Variants in ACOX3 observed in about 807,000 individuals in gnomAD.
ACOX3 encodes the protein acyl-CoA oxidase 3, pristanoyl.
Under a neutral mutation model 81.5 loss-of-function variants are expected in ACOX3, and 73 were observed. The observed-to-expected ratio is 0.90, with a 90% CI of 0.74 to 1.09. The LOEUF (loss-of-function observed/expected upper bound fraction) is 1.09. Among genes scored for constraint, ACOX3 ranks in the 50% least tolerant of loss-of-function variants. ACOX3 has a pLI of 0.00. For synonymous variants in ACOX3, 387 were observed against 375.1 expected (o/e 1.03, Z -0.37); for missense variants, 947 against 928.0 (o/e 1.02, Z -0.27).
rs1296517924 is a variant in ACOX3 at position 8,425,248 on chromosome 4, GCAAGGT to G, written c.-14-8719_-14-8714del. Among the ~76,000 whole-genome samples the G allele has an allele frequency of 3.9e-5, 6 of 152,154 alleles. No individual in the cohort carries two copies. The South Asian group carries it at 1.0e-3, about 26-fold the overall frequency. On this transcript the variant is annotated intron_variant, in intron 1 of 17. Coordinates refer to ENST00000356406, the MANE Select transcript of ACOX3 (RefSeq NM_003501.3). ...AGCAGATACTGAAGCCAAAAGAGCC[GCAAGGT>G]GGGACCCTCCATTAGAAATGCTTAT...
intron 7 of ACOX3, among the ~76,000 whole-genome samples, chr4:8,402,704 C>T (rs7686109): frequency 0.052 from 7,842 of 152,266 alleles, 258 homozygotes; most frequent in African/African-American, 0.091. Flanking sequence ...GTGTCTCCAG[C>T]GGGAGACGTG....
At chr4:8,374,936 T>C (rs570524037) in intron 15 of ACOX3, 42 bp downstream of exon 15, 14 of 1,458,448 alleles carry the variant, frequency 9.6e-6, no homozygotes, top group Admixed American at 2.6e-5. Context: ...ACGGGGGCCC[T>C]GACTCTGGGG....
At position 8,415,953 on chromosome 4, in the gene ACOX3, G is replaced by A; in HGVS notation, c.191C>T (p.Ser64Phe). ...ALENDPLFAR[S>F]PGADLSLEKY... Reference sequence around the variant, plus strand: ...CTCCAAGGACAGATCGGCTCCAGGGGAACGAGCGAAAAGAGGGTCATTCTC... The same window carrying A: ...CTCCAAGGACAGATCGGCTCCAGGGAAACGAGCGAAAAGAGGGTCATTCTC... The change falls in exon 3 of 18, where the codon TCC becomes TTC. Residue 64 changes from serine (S) to phenylalanine (F), a missense_variant. Coordinates refer to ENST00000356406, the MANE Select transcript of ACOX3 (RefSeq NM_003501.3). The A allele has an allele frequency of 1.2e-6, 2 of 1,614,204 alleles. No homozygotes were observed. Among genetic ancestry groups the A allele is most frequent in the African/African-American group, 1.3e-5 (1 of 75,048 alleles).
intron 1 of ACOX3, among the ~76,000 whole-genome samples, chr4:8,429,016 C>T (rs1680576849): frequency 6.6e-6 from 1 of 152,202 alleles, no homozygotes; most frequent in Admixed American, 6.5e-5. Context: ...CTCAATCACC[C>T]ACCCTTTACT....
In ACOX3 at chr4:8,440,657, C is replaced by G. The variant is rs1579021299; in HGVS notation, c.-24G>C. 9 of 817,688 alleles carry G rather than the reference C, an allele frequency of 1.1e-5. No homozygotes were observed. The East Asian group carries it at 2.8e-4, about 26-fold the overall frequency. 50.7% of individuals were successfully genotyped at this position (817,688 alleles called of 1,614,324 possible). ...AGGTCAAATTCCTCACCCACACACT[C>G]CACAGTTCAACCCCTGCCAGGGAAA... is the stretch of plus-strand genomic sequence containing the variant. On this transcript the variant is annotated 5_prime_UTR_variant, in exon 1 of 18. Transcript: ENST00000356406.
At chr4:8,402,730 T>C (rs1720506939) in intron 7 of ACOX3, among the ~76,000 whole-genome samples, 1 of 152,110 alleles carries the variant, frequency 6.6e-6, no homozygotes, top group South Asian at 2.1e-4. Context: ...GTGTCACAGG[T>C]GTGTGTGTGC....
rs1197454243 is a variant in ACOX3, at chr4:8,407,484, A to G, written c.688-1441T>C. Among the ~76,000 whole-genome samples, 1 of 152,206 alleles carries G rather than the reference A, an allele frequency of 6.6e-6. No individual in the cohort carries two copies. The highest frequency in any genetic ancestry group is 1.5e-5 in the Non-Finnish European group (1 of 68,046). On this transcript the variant is annotated intron_variant, in intron 6 of 17. Transcript: ENST00000356406. This position sits in a 1 kb window ranked among gnomAD's most constrained non-coding sequence, Gnocchi z 4.6. The stretch of plus-strand genomic sequence containing the variant: ...GAGCCTTTAAAGGGAATGCCGCCCT[A>G]AAGATTCCTCAATTTCAGACCCCGG...
rs560237856 is a variant in ACOX3, at chr4:8,394,402, G to C, written c.1179+218C>G. On this transcript the variant is annotated intron_variant, in intron 10 of 17. Transcript: ENST00000356406. The surrounding 1 kb of genome is among the most constrained non-coding windows in gnomAD (Gnocchi z 5.9). Reference sequence around the variant, plus strand: ...AACTCACAGACTGGAACCGGGAGTCGTGTCAGCACATCCTTGAGAGGCAGG... The same window carrying C: ...AACTCACAGACTGGAACCGGGAGTCCTGTCAGCACATCCTTGAGAGGCAGG... Among the ~76,000 whole-genome samples, 1 of 152,204 alleles carries C rather than the reference G, an allele frequency of 6.6e-6. No homozygotes were observed. Among genetic ancestry groups the C allele is most frequent in the Admixed American group, 6.5e-5 (1 of 15,284 alleles).
In ACOX3 at chr4:8,400,677, A is replaced by G. The variant is rs188685711; in HGVS notation, c.777-1025T>C. On this transcript the variant is annotated intron_variant, in intron 7 of 17. Coordinates refer to ENST00000356406, the MANE Select transcript of ACOX3 (RefSeq NM_003501.3). This position sits in a 1 kb window ranked among gnomAD's most constrained non-coding sequence, Gnocchi z 4.4. ...AGAATATTACATAAACTGTGCAAAAACCCCCCAAAACAAACTTCAAAATAT... is the reference window on the plus strand; with the variant it reads ...AGAATATTACATAAACTGTGCAAAAGCCCCCCAAAACAAACTTCAAAATAT... Among the ~76,000 whole-genome samples, 104 of 152,046 alleles carry G rather than the reference A, an allele frequency of 6.8e-4. 1 individual carries two copies. In the East Asian group the frequency reaches 0.019, roughly 28 times the overall value.
In ACOX3 at chr4:8,419,071, CAGG is replaced by C. The variant is rs1722648940; in HGVS notation, c.-14-2539_-14-2537del. 6.6e-6 allele frequency among the ~76,000 whole-genome samples: 1 copy of C among 152,006 alleles called. No individual in the cohort carries two copies. The highest frequency in any genetic ancestry group is 2.1e-4 in the South Asian group (1 of 4,816). ...CCCAGCTACTCTGGGGAGGCTAAGG[CAGG>C]AGGACAGCTTGAGCCCAGGAGTTTG... On this transcript the variant is annotated intron_variant, in intron 1 of 17. Transcript: ENST00000356406. The surrounding 1 kb of genome is among the most constrained non-coding windows in gnomAD (Gnocchi z 4.2).
At chr4:8,408,891 TGGGGGG>T (rs200811549) in intron 6 of ACOX3, among the ~76,000 whole-genome samples, 1 of 25,790 alleles carries the variant, frequency 3.9e-5, no homozygotes, top group Non-Finnish European at 6.2e-5. Flanking sequence ...GAGCCCTCAC[TGGGGGG>T]GGGGGGTGGG....
In ACOX3 at chr4:8,406,189, C is replaced by T. The variant is rs776190246; in HGVS notation, c.688-146G>A. The T allele has an allele frequency of 1.5e-5, 11 of 722,120 alleles. No homozygotes were observed. Among genetic ancestry groups the T allele is most frequent in the Admixed American group, 2.2e-5 (1 of 45,360 alleles). 44.7% of individuals were successfully genotyped at this position (722,120 alleles called of 1,614,324 possible). Reference sequence around the variant, plus strand: ...AACCATCCTCCAGAAATGATACATCCAAGTCCTAACCCCAGGACCTGGGAA... The same window carrying T: ...AACCATCCTCCAGAAATGATACATCTAAGTCCTAACCCCAGGACCTGGGAA... On this transcript the variant is annotated intron_variant, in intron 6 of 17. Coordinates refer to ENST00000356406, the MANE Select transcript of ACOX3 (RefSeq NM_003501.3). This position sits in a 1 kb window ranked among gnomAD's most constrained non-coding sequence, Gnocchi z 5.6.
the ACOX3 span, chr4:8,356,153 G>A: frequency 1.6e-5 from 4 of 251,902 alleles, no homozygotes; most frequent in Non-Finnish European, 2.4e-5. Flanking sequence ...GCATTAACCC[G>A]TTTTAACGCC....
chr4:8,400,591 G>A lies in ACOX3; in HGVS notation c.777-939C>T, dbSNP rs1319805386. ...ATTAATAACCAAAGATACCTGTTATGGTTGTCTGGTCAGGAAAACCTATTA... is the reference window on the plus strand; with the variant it reads ...ATTAATAACCAAAGATACCTGTTATAGTTGTCTGGTCAGGAAAACCTATTA... On this transcript the variant is annotated intron_variant, in intron 7 of 17. Transcript: ENST00000356406. This position sits in a 1 kb window ranked among gnomAD's most constrained non-coding sequence, Gnocchi z 4.4. 6.6e-6 allele frequency among the ~76,000 whole-genome samples: 1 copy of A among 152,126 alleles called. No individual in the cohort carries two copies. Among genetic ancestry groups the A allele is most frequent in the African/African-American group, 2.4e-5 (1 of 41,410 alleles).
In ACOX3 at chr4:8,385,623, A is replaced by G. The variant is rs952793116; in HGVS notation, c.1537+3550T>C. Among the ~76,000 whole-genome samples the G allele has an allele frequency of 7.0e-4, 106 of 152,386 alleles. No homozygotes were observed. Among genetic ancestry groups the G allele is most frequent in the African/African-American group, 2.5e-3 (103 of 41,602 alleles). On this transcript the variant is annotated intron_variant, in intron 13 of 17. Coordinates refer to ENST00000356406, the MANE Select transcript of ACOX3 (RefSeq NM_003501.3). The surrounding 1 kb of genome is among the most constrained non-coding windows in gnomAD (Gnocchi z 5.5). The stretch of plus-strand genomic sequence containing the variant: ...CCTGTGCAAAAATCAGAGGAACTCA[A>G]CAGAAAACCCAGCCTCCCCTACCCA...
rs759939727 is a variant in ACOX3, at chr4:8,397,114, G to A, written c.879C>T (p.Val293=). 3 of 1,553,400 alleles carry A rather than the reference G, an allele frequency of 1.9e-6. No homozygotes were observed. Among genetic ancestry groups the A allele is most frequent in the Admixed American group, 2.1e-5 (1 of 46,808 alleles). The change falls in exon 9 of 18, where the codon GTC becomes GTT. Residue 293 remains valine, a synonymous_variant. Transcript: ENST00000356406. ...CCAGGGACGCTCCAAAGCGCTGCCT[G>A]ACGTCCTACGGGAGGGACACAGATG... is the stretch of plus-strand genomic sequence containing the variant. ...EGTYVSPFKD[V]RQRFGASLGS... is the part of the protein sequence containing the mutation.
intron 5 of ACOX3, among the ~76,000 whole-genome samples, chr4:8,411,633 G>C (rs904453465): frequency 5.9e-5 from 9 of 152,304 alleles, no homozygotes; most frequent in South Asian, 2.1e-4. Context: ...CCGGCTCCTC[G>C]GGGCCTGCAC....
intron 8 of ACOX3, among the ~76,000 whole-genome samples, chr4:8,398,273 A>G (rs968568618): frequency 4.6e-5 from 7 of 152,272 alleles, no homozygotes; most frequent in African/African-American, 1.4e-4. Flanking sequence ...TCTGAAGTTC[A>G]AGTGTTTTTT....
chr4:8,378,596 G>A (rs1033614862), intron 14 of ACOX3, among the ~76,000 whole-genome samples: 6 of 151,360 alleles, frequency 4.0e-5, no homozygotes, highest in African/African-American at 9.7e-5. Context: ...GGCAGGCTGC[G>A]GGGACGCCAT....
Sources: gnomAD v4.1 joint callset for allele counts (sites outside exome capture counted in the v4.1 genomes callset) on GRCh38, gnomAD v4.1.1 for gene constraint, Gnocchi (gnomAD v3.1) non-coding constraint, MANE v1.5 for transcripts, NCBI Gene and HGNC (gene_info 2026-07-23, HGNC 2026-07-21) for gene names.